Variants in SAMD5 observed in about 807,000 individuals in gnomAD.
SAMD5 encodes sterile alpha motif domain containing 5.
In SAMD5, 13 loss-of-function variants were observed where a neutral mutation model predicts 11.3. The observed-to-expected ratio is 1.15, with a 90% CI of 0.75 to 1.83. The LOEUF (loss-of-function observed/expected upper bound fraction) is 1.83. Ranked by LOEUF, SAMD5 falls within the 40% of genes most tolerant of loss-of-function variation. The pLI, the probability that SAMD5 is intolerant of heterozygous loss-of-function variation, is 0.00. For missense variants in SAMD5, 255 were observed against 239.1 expected (o/e 1.07, Z -0.44); for synonymous variants, 129 against 111.3 (o/e 1.16, Z -1.00).
the SAMD5 span, among the ~76,000 whole-genome samples, chr6:147,875,085 ACTT>A: frequency 1.3e-5 from 2 of 152,146 alleles, no homozygotes; most frequent in African/African-American, 4.8e-5. Context: ...GAATTTTAAA[ACTT>A]CTTCATTTAA....
chr6:147,532,760 G>A (rs1486665867), intron 1 of SAMD5, among the ~76,000 whole-genome samples: 4 of 152,102 alleles, frequency 2.6e-5, no homozygotes, highest in African/African-American at 7.2e-5. Flanking sequence ...CAGTATCAAA[G>A]TGTTCCCTTT....
At chr6:147,923,483 T>A in the SAMD5 span, among the ~76,000 whole-genome samples, 1 of 152,230 alleles carries the variant, frequency 6.6e-6, no homozygotes, top group Non-Finnish European at 1.5e-5. Flanking sequence ...AGATGAATTT[T>A]TTTAATGCTA....
chr6:147,716,813 A>G (rs771979867), intron 1 of SAMD5, among the ~76,000 whole-genome samples: 2 of 152,222 alleles, frequency 1.3e-5, no homozygotes, highest in Non-Finnish European at 1.5e-5. Context: ...GGAGGAAGAA[A>G]GAGAAAGTCA....
chr6:147,830,122 G>GA, the SAMD5 span, among the ~76,000 whole-genome samples: 5 of 151,310 alleles, frequency 3.3e-5, no homozygotes, highest in Middle Eastern at 3.2e-3. Context: ...ATTGGAGAGA[G>GA]AAAAAAATAG....
chr6:147,889,993 A>G, the SAMD5 span, among the ~76,000 whole-genome samples: 2 of 152,222 alleles, frequency 1.3e-5, no homozygotes, highest in Non-Finnish European at 2.9e-5. Flanking sequence ...GGCTCTGCCT[A>G]GGAACCCACT....
chr6:147,954,479 A>G, the SAMD5 span, among the ~76,000 whole-genome samples: 1 of 152,144 alleles, frequency 6.6e-6, no homozygotes, highest in Non-Finnish European at 1.5e-5. Context: ...TTATAAATTT[A>G]TTGTGGCCTA....
chr6:147,651,038 G>A (rs1189020394), intron 1 of SAMD5, among the ~76,000 whole-genome samples: 1 of 152,130 alleles, frequency 6.6e-6, no homozygotes, highest in Non-Finnish European at 1.5e-5. Flanking sequence ...CTAAAATTAT[G>A]ACATTTTGAA....
the SAMD5 span, among the ~76,000 whole-genome samples, chr6:147,869,642 G>T: frequency 4.6e-5 from 7 of 152,054 alleles, no homozygotes; most frequent in Non-Finnish European, 7.4e-5. Flanking sequence ...ACAAACAGGT[G>T]CAATTAACTT....
At chr6:147,697,145 A>G (rs1169721194) in intron 1 of SAMD5, among the ~76,000 whole-genome samples, 2 of 152,134 alleles carry the variant, frequency 1.3e-5, no homozygotes, top group Non-Finnish European at 2.9e-5. Flanking sequence ...GTTTCCATCT[A>G]GGTCCTGCTG....
At position 147,567,917 on chromosome 6, in the gene SAMD5, T is replaced by C; in HGVS notation, c.*3461T>C. On this transcript the variant is annotated 3_prime_UTR_variant, in exon 2 of 2. Transcript: ENST00000367474. Reference sequence around the variant, plus strand: ...TCCTGGGCAACAGAGCAAGATCCCGTCTCAAAACAAAACAAAACAAAACAA... The same window carrying C: ...TCCTGGGCAACAGAGCAAGATCCCGCCTCAAAACAAAACAAAACAAAACAA... 1.0e-6 allele frequency: 1 copy of C among 985,974 alleles called. No homozygotes were observed. Among genetic ancestry groups the C allele is most frequent in the Non-Finnish European group, 1.2e-6 (1 of 830,436 alleles). The allele number at this position is 985,974 out of a possible 1,614,324, so 61.1% of individuals were successfully genotyped here.
the SAMD5 span, among the ~76,000 whole-genome samples, chr6:147,749,400 C>T: frequency 6.6e-6 from 1 of 152,124 alleles, no homozygotes; most frequent in East Asian, 1.9e-4. Context: ...GAACTCCTGA[C>T]CTCGTGGTCC....
At chr6:147,939,763 A>G in the SAMD5 span, among the ~76,000 whole-genome samples, 2 of 152,104 alleles carry the variant, frequency 1.3e-5, no homozygotes, top group Non-Finnish European at 2.9e-5. Flanking sequence ...ACCTTTCCAG[A>G]GGCACAGTTG....
chr6:147,858,214 C>T, the SAMD5 span, among the ~76,000 whole-genome samples: 71 of 152,186 alleles, frequency 4.7e-4, 1 homozygote, highest in African/African-American at 1.1e-3. Context: ...TGAACCCGAT[C>T]GCTGTTGCCT....
rs894626308 is a variant in SAMD5, at chr6:147,724,359, G to A, written c.163-12958G>A. On this transcript the variant is annotated intron_variant, in intron 1 of 1. Transcript: ENST00000566741. ...TTCAGAGCTCAGAAATTAAATGGCA[G>A]CAAATTTTAAGCTTTATCCAATTAT... Among the ~76,000 whole-genome samples, 8 of 152,192 alleles carry A rather than the reference G, an allele frequency of 5.3e-5. No homozygotes were observed. In the East Asian group the frequency reaches 1.5e-3, roughly 29 times the overall value.
At chr6:147,819,756 C>A in the SAMD5 span, among the ~76,000 whole-genome samples, 1 of 152,172 alleles carries the variant, frequency 6.6e-6, no homozygotes, top group African/African-American at 2.4e-5. Context: ...TAGGTCCAGG[C>A]CTGAGAGCCG....
downstream of SAMD5, among the ~76,000 whole-genome samples, chr6:147,572,469 A>C (rs559715971): frequency 3.2e-4 from 48 of 152,300 alleles, no homozygotes; most frequent in Middle Eastern, 6.8e-3. Flanking sequence ...GTGAAAGCAC[A>C]CGAAAAATAC....
intron 1 of SAMD5, among the ~76,000 whole-genome samples, chr6:147,618,419 C>T (rs1452663685): frequency 1.3e-5 from 2 of 152,112 alleles, no homozygotes; most frequent in Non-Finnish European, 2.9e-5. Flanking sequence ...AGCAGATTCC[C>T]AGAGATTGGG....
chr6:147,610,332 T>G (rs1432723186), intron 1 of SAMD5, among the ~76,000 whole-genome samples: 1 of 152,122 alleles, frequency 6.6e-6, no homozygotes, highest in Non-Finnish European at 1.5e-5. Context: ...ATGTCCCCTC[T>G]AAACAAGAGA....
chr6:147,581,505 G>T (rs1161021860), intron 1 of SAMD5, among the ~76,000 whole-genome samples: 1 of 152,152 alleles, frequency 6.6e-6, no homozygotes, highest in African/African-American at 2.4e-5. Context: ...ACATTGAAGT[G>T]ATGGATGGAG....
Sources: allele counts gnomAD v4.1 joint callset (sites outside exome capture counted in the v4.1 genomes callset), GRCh38; gene constraint gnomAD v4.1.1; transcripts MANE v1.5; gene names NCBI Gene and HGNC (gene_info 2026-07-23, HGNC 2026-07-21).